GC: variants seen among roughly 807,000 people sequenced by gnomAD.
GC encodes the protein GC vitamin D binding protein, also known as vitamin D-binding protein.
A neutral mutation model predicts 56.7 loss-of-function variants in GC; 43 were observed. That is an observed-to-expected ratio of 0.76 (90% CI 0.59 to 0.98). The LOEUF (loss-of-function observed/expected upper bound fraction) is 0.98. Among genes scored for constraint, GC ranks in the 50% least tolerant of loss-of-function variants. GC has a pLI of 0.00. For synonymous variants in GC, 216 were observed against 202.7 expected, an observed-to-expected ratio of 1.07 and a Z score of -0.56; for missense variants, 529 against 545.9, an observed-to-expected ratio of 0.97 and a Z score of 0.31.
At chr4:71,796,078 C>T (rs893087822) in intron 1 of GC, among the ~76,000 whole-genome samples, 3 of 152,184 alleles carry the variant, frequency 2.0e-5, no homozygotes, top group African/African-American at 7.2e-5. Context: ...TTCTCTCTGG[C>T]TGCCCTTAAC....
intron 1 of GC, among the ~76,000 whole-genome samples, chr4:71,796,361 C>A (rs1401513956): frequency 6.6e-6 from 1 of 152,126 alleles, no homozygotes; most frequent in Non-Finnish European, 1.5e-5. Context: ...TTGTTTGTTT[C>A]TGTTTACTCT....
At chr4:71,794,929 C>T (rs1743060405) in intron 1 of GC, among the ~76,000 whole-genome samples, 1 of 152,164 alleles carries the variant, frequency 6.6e-6, no homozygotes, top group Admixed American at 6.5e-5. Flanking sequence ...AGTAGTCATT[C>T]AGGAGCAGAT....
At chr4:71,793,988 G>T (rs1380647403) in intron 1 of GC, among the ~76,000 whole-genome samples, 1 of 152,192 alleles carries the variant, frequency 6.6e-6, no homozygotes, top group African/African-American at 2.4e-5. Context: ...AACCAGCCTT[G>T]CATCCCAGGG....
intron 1 of GC, among the ~76,000 whole-genome samples, chr4:71,783,279 C>G (rs1328193681): frequency 6.6e-6 from 1 of 151,714 alleles, no homozygotes; most frequent in African/African-American, 2.4e-5. Flanking sequence ...AGTTTCCCAG[C>G]TGTAGAATTC....
intron 1 of GC, among the ~76,000 whole-genome samples, chr4:71,797,635 T>A (rs993435156): frequency 6.6e-6 from 1 of 152,202 alleles, no homozygotes; most frequent in Non-Finnish European, 1.5e-5. Flanking sequence ...CTGACTGAGG[T>A]GATGCCCCGC....
At chr4:71,789,019 G>T (rs889267742), upstream of GC, among the ~76,000 whole-genome samples, 1 of 151,776 alleles carries the variant, frequency 6.6e-6, no homozygotes. Context: ...CTGAAGCCAG[G>T]TAATTTGTAG....
intron 12 of GC, among the ~76,000 whole-genome samples, chr4:71,744,260 G>A (rs1470651176): frequency 2.1e-5 from 3 of 146,190 alleles, no homozygotes; most frequent in African/African-American, 7.7e-5. Flanking sequence ...GGCTAACACA[G>A]TGAAACCCCA....
In GC at chr4:71,758,024, T is replaced by C; in HGVS notation, c.831+18A>G. ...AATACCTGGCACATGGTGATAATGA[T>C]AATAAAGCTTGTCTTACCTCTTTGG... On this transcript the variant is annotated intron_variant, in intron 7 of 12. Transcript: ENST00000273951. 1 of 1,609,654 alleles carries C rather than the reference T, an allele frequency of 6.2e-7. No homozygotes were observed. The highest frequency in any genetic ancestry group is 1.1e-5 in the South Asian group (1 of 90,538).
At chr4:71,743,567 A>G (rs1350132953) in intron 12 of GC, among the ~76,000 whole-genome samples, 1 of 152,184 alleles carries the variant, frequency 6.6e-6, no homozygotes, top group Non-Finnish European at 1.5e-5. Context: ...TGACTTCATA[A>G]TTGTCCAATA....
intron 1 of GC, among the ~76,000 whole-genome samples, chr4:71,775,357 G>A (rs1286211255): frequency 1.3e-5 from 2 of 151,878 alleles, no homozygotes; most frequent in Non-Finnish European, 2.9e-5. Flanking sequence ...TCTGAAGAAA[G>A]TATCATTCAA....
chr4:71,764,614 A>G (rs1742099088), intron 4 of GC, among the ~76,000 whole-genome samples: 1 of 152,178 alleles, frequency 6.6e-6, no homozygotes, highest in Non-Finnish European at 1.5e-5. Context: ...TTATTACTTT[A>G]GATAATTATT....
intron 7 of GC, 85 bp downstream of exon 7, chr4:71,757,938 TTAGGATAATGCATATGAAA>T: frequency 6.0e-6 from 5 of 835,832 alleles, no homozygotes; most frequent in Non-Finnish European, 9.3e-6. Context: ...TAAGCATCCG[TTAGGATAATGCATATGAAA>T]TAGAACTTAG....
At chr4:71,772,583 A>G (rs1453818815) in intron 1 of GC, among the ~76,000 whole-genome samples, 2 of 152,202 alleles carry the variant, frequency 1.3e-5, no homozygotes, top group African/African-American at 4.8e-5. Context: ...GTGTTTGCAC[A>G]CAGCACTTTA....
At chr4:71,797,129 G>A (rs555822631) in intron 1 of GC, among the ~76,000 whole-genome samples, 6 of 152,214 alleles carry the variant, frequency 3.9e-5, no homozygotes, top group Admixed American at 3.9e-4. Context: ...CTCCCAGTTA[G>A]GCTACACGGG....
upstream of GC, chr4:71,784,424 T>A (rs1742781304): frequency 2.0e-6 from 1 of 496,788 alleles, no homozygotes; most frequent in African/African-American, 2.1e-5. Context: ...ACACCCCACC[T>A]TTCTCATATG....
chr4:71,753,619 C>T (rs902193829), intron 10 of GC, among the ~76,000 whole-genome samples: 2 of 152,026 alleles, frequency 1.3e-5, no homozygotes, highest in African/African-American at 4.8e-5. Flanking sequence ...TTATTGTGGC[C>T]TATTATTTTA....
At chr4:71,799,059 G>GT (rs1382645742) in intron 1 of GC, among the ~76,000 whole-genome samples, 1 of 152,102 alleles carries the variant, frequency 6.6e-6, no homozygotes, top group Non-Finnish European at 1.5e-5. Flanking sequence ...AAACCCCGTA[G>GT]TTCCCCCTTT....
chr4:71,778,035 T>C (rs1355674567), intron 1 of GC, among the ~76,000 whole-genome samples: 2 of 147,940 alleles, frequency 1.4e-5, no homozygotes, highest in South Asian at 2.1e-4. Context: ...AAAGTTTATA[T>C]ATATATAAAA....
At chr4:71,792,305 C>A (rs1447090985) in intron 1 of GC, among the ~76,000 whole-genome samples, 1 of 152,198 alleles carries the variant, frequency 6.6e-6, no homozygotes, top group East Asian at 1.9e-4. Flanking sequence ...ATTCCTATTT[C>A]TCCACATTCT....
Sources: allele counts gnomAD v4.1 joint callset (sites outside exome capture counted in the v4.1 genomes callset), GRCh38; gene constraint gnomAD v4.1.1; transcripts MANE v1.5; gene names NCBI Gene and HGNC (gene_info 2026-07-23, HGNC 2026-07-21).